Variants in ZBTB20 observed in about 807,000 individuals in gnomAD.
ZBTB20 encodes zinc finger and BTB domain containing 20.
Under a neutral mutation model 56.9 loss-of-function variants are expected in ZBTB20, and 9 were observed. The observed-to-expected ratio is 0.16, with a 90% CI of 0.10 to 0.28. The LOEUF is 0.28. ZBTB20 is among the 10% of genes least tolerant of loss of function. The pLI, the probability that ZBTB20 is intolerant of heterozygous loss-of-function variation, is 1.00. For synonymous variants in ZBTB20, 417 were observed against 420.7 expected (o/e 0.99, Z 0.11); for missense variants, 655 against 1,003.0 (o/e 0.65, Z 4.69).
intron 5 of ZBTB20, among the ~76,000 whole-genome samples, chr3:114,720,896 T>A (rs1279674357): frequency 1.3e-5 from 2 of 151,846 alleles, no homozygotes; most frequent in African/African-American, 4.8e-5. Flanking sequence ...AGAATAGGGG[T>A]TTAGAGAGAA....
chr3:114,771,358 A>G (rs2108742889), intron 5 of ZBTB20, among the ~76,000 whole-genome samples: 1 of 152,312 alleles, frequency 6.6e-6, no homozygotes, highest in South Asian at 2.1e-4. Flanking sequence ...TTTATTAAAT[A>G]ACTAAAAACT....
intron 1 of ZBTB20, among the ~76,000 whole-genome samples, chr3:115,116,634 A>C (rs1248496150): frequency 1.3e-5 from 2 of 152,146 alleles, no homozygotes; most frequent in Non-Finnish European, 1.5e-5. Context: ...AAAATTTATT[A>C]ATTCTTGAGT....
intron 6 of ZBTB20, among the ~76,000 whole-genome samples, chr3:114,525,163 T>TG (rs551328669): frequency 0.027 from 4,079 of 151,850 alleles, 103 homozygotes; most frequent in African/African-American, 0.067. Context: ...CTTTTTTTGT[T>TG]GGGGGGGGTG....
intron 6 of ZBTB20, among the ~76,000 whole-genome samples, chr3:114,555,179 C>T (rs1448289187): frequency 1.3e-5 from 2 of 152,160 alleles, no homozygotes; most frequent in Non-Finnish European, 1.5e-5. Flanking sequence ...TCAATTTCTT[C>T]ATCATATATT....
chr3:114,841,451 G>A (rs1478011586), intron 4 of ZBTB20, among the ~76,000 whole-genome samples: 1 of 152,126 alleles, frequency 6.6e-6, no homozygotes. Flanking sequence ...TGAGACAGGA[G>A]CCAGGCTGGA....
At chr3:114,991,757 C>G (rs1319087335) in intron 2 of ZBTB20, among the ~76,000 whole-genome samples, 1 of 152,044 alleles carries the variant, frequency 6.6e-6, no homozygotes, top group East Asian at 1.9e-4. Flanking sequence ...TTGTAGGTCT[C>G]TAAGGACTTG....
At chr3:114,877,016 A>G (rs2076224349) in intron 4 of ZBTB20, among the ~76,000 whole-genome samples, 1 of 152,236 alleles carries the variant, frequency 6.6e-6, no homozygotes, top group South Asian at 2.1e-4. Flanking sequence ...AGCTGCCACA[A>G]TAAATAATGT....
At chr3:114,943,873 A>C (rs953914449) in intron 3 of ZBTB20, among the ~76,000 whole-genome samples, 2 of 143,408 alleles carry the variant, frequency 1.4e-5, no homozygotes, top group Non-Finnish European at 3.0e-5. Flanking sequence ...AGAATGTCTA[A>C]GAACCCCAAG....
At chr3:114,491,764 C>A (rs1577069000) in intron 7 of ZBTB20, among the ~76,000 whole-genome samples, 1 of 152,120 alleles carries the variant, frequency 6.6e-6, no homozygotes, top group Non-Finnish European at 1.5e-5. Context: ...ACCTCACTTC[C>A]CCCCTCAAGA....
At chr3:114,369,268 G>A (rs1467807194) in intron 10 of ZBTB20, among the ~76,000 whole-genome samples, 1 of 152,092 alleles carries the variant, frequency 6.6e-6, no homozygotes, top group African/African-American at 2.4e-5. Flanking sequence ...GTACTCTTTG[G>A]TCTAATATCT....
At chr3:114,601,526 T>A (rs2056759070) in intron 6 of ZBTB20, among the ~76,000 whole-genome samples, 1 of 152,058 alleles carries the variant, frequency 6.6e-6, no homozygotes. Flanking sequence ...TATTCATGTA[T>A]TCATTATACA....
At chr3:114,524,340 G>C (rs1010259227) in intron 6 of ZBTB20, among the ~76,000 whole-genome samples, 1 of 152,210 alleles carries the variant, frequency 6.6e-6, no homozygotes, top group Non-Finnish European at 1.5e-5. Flanking sequence ...CCATGGGAAT[G>C]AGTAGCTATG....
At chr3:114,973,322 T>A (rs2077966010) in intron 3 of ZBTB20, among the ~76,000 whole-genome samples, 1 of 152,186 alleles carries the variant, frequency 6.6e-6, no homozygotes, top group African/African-American at 2.4e-5. Context: ...AATAAAATCC[T>A]TAAAAGGTTA....
intron 2 of ZBTB20, among the ~76,000 whole-genome samples, chr3:114,984,917 T>C (rs2078472873): frequency 6.6e-6 from 1 of 151,998 alleles, no homozygotes; most frequent in Non-Finnish European, 1.5e-5. Flanking sequence ...CCATGCTTGT[T>C]TGGGGCTTTT....
At chr3:114,712,760 A>G (rs1480678505) in intron 5 of ZBTB20, among the ~76,000 whole-genome samples, 1 of 152,220 alleles carries the variant, frequency 6.6e-6, no homozygotes, top group African/African-American at 2.4e-5. Flanking sequence ...CTTTTCAAAT[A>G]TAATAAGCAA....
chr3:114,828,009 C>A (rs181187834), intron 4 of ZBTB20, among the ~76,000 whole-genome samples: 167 of 151,712 alleles, frequency 1.1e-3, no homozygotes, highest in Non-Finnish European at 2.0e-3. Context: ...CAGAAACTTC[C>A]TAATACATCA....
intron 6 of ZBTB20, among the ~76,000 whole-genome samples, chr3:114,549,950 T>G (rs901999350): frequency 2.6e-5 from 4 of 152,112 alleles, no homozygotes; most frequent in Non-Finnish European, 5.9e-5. Context: ...TCTTTTTTAT[T>G]TTTTTGAGAT....
intron 6 of ZBTB20, among the ~76,000 whole-genome samples, chr3:114,681,062 A>C (rs963205404): frequency 1.3e-5 from 2 of 152,110 alleles, no homozygotes; most frequent in Non-Finnish European, 2.9e-5. Context: ...AAGATAGTAG[A>C]CTCTAAACAT....
intron 6 of ZBTB20, chr3:114,687,815 C>T (rs1441954524): frequency 6.6e-6 from 1 of 152,054 alleles, no homozygotes; most frequent in Non-Finnish European, 1.5e-5. Flanking sequence ...ATAAGTCATC[C>T]AAGAAATAAT....
Sources: allele counts gnomAD v4.1 joint callset (sites outside exome capture counted in the v4.1 genomes callset), GRCh38; gene constraint gnomAD v4.1.1; transcripts MANE v1.5; gene names NCBI Gene and HGNC (gene_info 2026-07-23, HGNC 2026-07-21).